Variants in ODF2L observed in about 807,000 individuals in gnomAD.
The protein encoded by ODF2L is outer dense fiber of sperm tails 2 like, also known as protein BCAP.
ODF2L carries 76 observed loss-of-function variants against 86.3 expected under a neutral mutation model. That is an observed-to-expected ratio of 0.88 (90% confidence interval 0.73 to 1.07). ODF2L has a LOEUF of 1.07. Among genes scored for constraint, ODF2L ranks in the 50% least tolerant of loss-of-function variants. The pLI is 0.00. For synonymous variants in ODF2L, 241 were observed against 231.3 expected, an observed-to-expected ratio of 1.04 and a Z score of -0.38; for missense variants, 748 against 717.4, an observed-to-expected ratio of 1.04 and a Z score of -0.49.
intron 3 of ODF2L, among the ~76,000 whole-genome samples, chr1:86,385,191 A>T (rs1055918176): frequency 2.0e-5 from 3 of 151,974 alleles, no homozygotes; most frequent in Non-Finnish European, 4.4e-5. Flanking sequence ...TCTTAAGAAA[A>T]GCTGATTTTC....
intron 13 of ODF2L, chr1:86,358,558 A>G (rs537645852): frequency 1.4e-5 from 3 of 219,006 alleles, no homozygotes; most frequent in Admixed American, 1.2e-4. Context: ...TTAAACATTT[A>G]TGCTATTTTC....
At chr1:86,377,356 T>A (rs187971) in intron 7 of ODF2L, among the ~76,000 whole-genome samples, 1 of 152,118 alleles carries the variant, frequency 6.6e-6, no homozygotes, top group South Asian at 2.1e-4. Flanking sequence ...ACTGAGTATC[T>A]GTGGCTCTTC....
At chr1:86,387,210 T>C in intron 1 of ODF2L, 124 bp from the exon 2 acceptor site, 1 of 448,310 alleles carries the variant, frequency 2.2e-6, no homozygotes, top group African/African-American at 2.0e-5. Context: ...ATAAGAAGTA[T>C]AACTGCTACT....
At chr1:86,381,411 C>G (rs757592712) in intron 7 of ODF2L, among the ~76,000 whole-genome samples, 2 of 151,990 alleles carry the variant, frequency 1.3e-5, no homozygotes, top group African/African-American at 4.8e-5. Context: ...CCCCATAAAC[C>G]CGCATTATGT....
At chr1:86,381,506 C>T (rs574577193) in intron 7 of ODF2L, among the ~76,000 whole-genome samples, 1 of 152,094 alleles carries the variant, frequency 6.6e-6, no homozygotes, top group South Asian at 2.1e-4. Context: ...TGCTATAATT[C>T]AGGAGTGCAA....
rs1659316822 is a variant in ODF2L at position 86,365,209 on chromosome 1, G to A, written c.1143+3427C>T. Among the ~76,000 whole-genome samples, 7 of 152,146 alleles carry A rather than the reference G, an allele frequency of 4.6e-5. No homozygotes were observed. In the South Asian group the frequency reaches 1.4e-3, roughly 32 times the overall value. The stretch of plus-strand genomic sequence containing the variant: ...CCATAATTAAGAAAAGTATCTTTAC[G>A]ATAGTATTGACATGAGAATTAGAAG... On this transcript the variant is annotated intron_variant, in intron 11 of 17. Transcript: ENST00000317336.
rs575122202 is a variant in ODF2L at position 86,360,523 on chromosome 1, G to T, written c.1157C>A (p.Ala386Asp). The change falls in exon 12 of 18, where the codon GCT (alanine) becomes GAT (aspartate). Residue 386 changes from alanine (A) to aspartate (D), a missense_variant. Transcript: ENST00000317336. The stretch of plus-strand genomic sequence containing the variant: ...AACAGATACAACTTCATCCTTCAAA[G>T]CAGCAAGTGTAGTCTAGCAAAAAAG... 53 of 1,570,302 alleles carry T rather than the reference G, an allele frequency of 3.4e-5. No individual in the cohort carries two copies. In the Admixed American group the frequency reaches 4.3e-4, roughly 13 times the overall value.
At chr1:86,356,703 G>C in intron 13 of ODF2L, 101 bp from the exon 13 acceptor site, 3 of 923,550 alleles carry the variant, frequency 3.2e-6, no homozygotes, top group Non-Finnish European at 3.0e-6. Context: ...AAGTATTTTA[G>C]GTATAATGGC....
chr1:86,356,336 G>T, intron 14 of ODF2L, 108 bp downstream of exon 13: 1 of 775,022 alleles, frequency 1.3e-6, no homozygotes, highest in Non-Finnish European at 2.0e-6. Context: ...GAACTAAGTA[G>T]ATGGGAATTT....
intron 1 of ODF2L, among the ~76,000 whole-genome samples, chr1:86,387,330 C>T (rs746454464): frequency 6.6e-6 from 1 of 152,094 alleles, no homozygotes; most frequent in Non-Finnish European, 1.5e-5. Context: ...TAAATAATCA[C>T]AAGAGTGTAA....
At chr1:86,372,993 A>C (rs536055110) in intron 8 of ODF2L, among the ~76,000 whole-genome samples, 1 of 152,222 alleles carries the variant, frequency 6.6e-6, no homozygotes, top group African/African-American at 2.4e-5. Context: ...GTGAGGGGTA[A>C]AAGACTACAC....
chr1:86,377,917 T>A (rs1224139224), intron 7 of ODF2L, among the ~76,000 whole-genome samples: 1 of 152,230 alleles, frequency 6.6e-6, no homozygotes, highest in African/African-American at 2.4e-5. Context: ...TTATGCCAAT[T>A]TATGCAGACC....
chr1:86,392,080 T>C (rs193166840), intron 1 of ODF2L, among the ~76,000 whole-genome samples: 1 of 151,972 alleles, frequency 6.6e-6, no homozygotes, highest in African/African-American at 2.4e-5. Flanking sequence ...CCAACAAACA[T>C]GAAAAAATGC....
chr1:86,361,591 C>G (rs1378083236), intron 11 of ODF2L, among the ~76,000 whole-genome samples: 1 of 152,094 alleles, frequency 6.6e-6, no homozygotes, highest in Non-Finnish European at 1.5e-5. Context: ...TCACAGCTTT[C>G]CAATACAGTT....
intron 10 of ODF2L, among the ~76,000 whole-genome samples, chr1:86,369,772 G>C (rs1659669009): frequency 6.6e-6 from 1 of 152,068 alleles, no homozygotes; most frequent in Non-Finnish European, 1.5e-5. Context: ...AATATGCTAA[G>C]ACCTACAATG....
intron 11 of ODF2L, among the ~76,000 whole-genome samples, chr1:86,368,201 A>T (rs272505): frequency 1.3e-5 from 2 of 152,070 alleles, no homozygotes; most frequent in African/African-American, 4.8e-5. Context: ...TGCCCTTAAC[A>T]TTCATATCTT....
Position 86,372,464 on chromosome 1 carries a change from G to GT in ODF2L, c.886dup (p.Thr296AsnfsTer8), listed in dbSNP as rs1404541353. The stretch of plus-strand genomic sequence containing the variant: ...TGTTTCAATCTGTACTTCCAATTCG[G>GT]TTTTTTCTATCACAATTTTCTCATA... On this transcript the variant is annotated frameshift_variant, in exon 9 of 18. Transcript: ENST00000317336. LOFTEE classifies it high-confidence loss of function. 2.0e-6 allele frequency: 3 copies of GT among 1,509,042 alleles called. No homozygotes were observed. The highest frequency in any genetic ancestry group is 1.4e-5 in the African/African-American group (1 of 69,994). The allele number at this position is 1,509,042 out of a possible 1,614,324, so 93.5% of individuals were successfully genotyped here. A position where few individuals can be genotyped will look rare whatever the true frequency, so the allele number is the denominator to read the frequency against.
chr1:86,360,553 A>G lies in ODF2L; in HGVS notation c.1144-17T>C. Reference sequence around the variant, plus strand: ...AAGTGTAGTCTAGCAAAAAAGATATAGATTTTATAAGTCATTAGAATACAT... The same window carrying G: ...AAGTGTAGTCTAGCAAAAAAGATATGGATTTTATAAGTCATTAGAATACAT... On this transcript the variant is annotated splice_polypyrimidine_tract_variant and intron_variant, in intron 11 of 17. Coordinates refer to ENST00000317336, the Ensembl canonical transcript of ODF2L. 8.6e-7 allele frequency: 1 copy of G among 1,157,146 alleles called. No homozygotes were observed. The highest frequency in any genetic ancestry group is 1.3e-5 in the South Asian group (1 of 75,576). The allele number at this position is 1,157,146 out of a possible 1,614,324, so 71.7% of individuals were successfully genotyped here. A position where few individuals can be genotyped will look rare whatever the true frequency, so the allele number is the denominator to read the frequency against.
rs551865696 is a variant in ODF2L, at chr1:86,373,337, G to A, written c.811-797C>T. 4.1e-5 allele frequency among the ~76,000 whole-genome samples: 6 copies of A among 148,068 alleles called. No homozygotes were observed. In the East Asian group the frequency reaches 7.9e-4, roughly 20 times the overall value. On this transcript the variant is annotated intron_variant, in intron 8 of 17. Transcript: ENST00000317336. The stretch of plus-strand genomic sequence containing the variant: ...TGCCCTGGCTGAAGTGCAGTGGCAC[G>A]GTCATGATGGTTCACTGCAGCCTCC...
Sources: gnomAD v4.1 joint callset for allele counts (sites outside exome capture counted in the v4.1 genomes callset) on GRCh38, gnomAD v4.1.1 for gene constraint, MANE v1.5 for transcripts, NCBI Gene and HGNC (gene_info 2026-07-23, HGNC 2026-07-21) for gene names.